Variants in NTN1 observed in about 807,000 individuals in gnomAD.
NTN1 encodes netrin 1.
Under a neutral mutation model 54.2 loss-of-function variants are expected in NTN1, and 11 were observed. That is an observed-to-expected ratio of 0.20 (90% CI 0.13 to 0.34). NTN1 has a LOEUF of 0.34. NTN1 is among the 10% of genes least tolerant of loss of function. The pLI is 1.00. For missense variants in NTN1, 740 were observed against 893.1 expected (o/e 0.83, Z 2.18); for synonymous variants, 371 against 382.0 (o/e 0.97, Z 0.33).
At chr17:9,040,566 A>C (rs1360091477) in intron 2 of NTN1, among the ~76,000 whole-genome samples, 1 of 152,098 alleles carries the variant, frequency 6.6e-6, no homozygotes, top group African/African-American at 2.4e-5. Context: ...CTTCTTTTCC[A>C]ATACTTGTAC....
the NTN1 span, among the ~76,000 whole-genome samples, chr17:9,016,214 C>G: frequency 1.3e-5 from 2 of 152,086 alleles, no homozygotes; most frequent in African/African-American, 4.8e-5. Flanking sequence ...TTGAAGACAC[C>G]AGCACTGGTC....
chr17:9,052,040 T>C (rs2091962327), intron 2 of NTN1, among the ~76,000 whole-genome samples: 1 of 152,118 alleles, frequency 6.6e-6, no homozygotes, highest in South Asian at 2.1e-4. Flanking sequence ...TGATGCGATC[T>C]CAGCTCACTG....
At chr17:9,086,183 G>A (rs2092089480) in intron 2 of NTN1, among the ~76,000 whole-genome samples, 1 of 152,086 alleles carries the variant, frequency 6.6e-6, no homozygotes, top group Admixed American at 6.5e-5. Flanking sequence ...AGGGAGATAA[G>A]TTGTTATGGT....
chr17:9,203,421 A>G (rs1475883113), intron 5 of NTN1, among the ~76,000 whole-genome samples: 1 of 152,208 alleles, frequency 6.6e-6, no homozygotes, highest in Non-Finnish European at 1.5e-5. Flanking sequence ...CATACCTTCC[A>G]AAGAATCTGA....
At chr17:9,231,965 C>T (rs941589182) in intron 6 of NTN1, among the ~76,000 whole-genome samples, 2 of 152,156 alleles carry the variant, frequency 1.3e-5, no homozygotes, top group African/African-American at 4.8e-5. Context: ...GATGGCATGT[C>T]CCGCGGGCCC....
At chr17:9,094,463 T>C (rs527327146) in intron 2 of NTN1, among the ~76,000 whole-genome samples, 1 of 152,284 alleles carries the variant, frequency 6.6e-6, no homozygotes, top group East Asian at 1.9e-4. Context: ...ACGAATATAA[T>C]ATGTACATAT....
rs1285350742 is a variant in NTN1 at position 9,243,702 on chromosome 17, T to TCCCTCTGCCC, written c.*3737_*3746dup. On this transcript the variant is annotated 3_prime_UTR_variant, in exon 7 of 7. Coordinates refer to ENST00000173229, the MANE Select transcript of NTN1 (RefSeq NM_004822.3). ...CTCCTCCCAAATGCACTTCCCCTCC[T>TCCCTCTGCCC]CCCTCTGCCCCCTCCTGTGTTTTGG... 2 of 152,234 alleles carry TCCCTCTGCCC rather than the reference T, an allele frequency of 1.3e-5. No individual in the cohort carries two copies. Among genetic ancestry groups the TCCCTCTGCCC allele is most frequent in the Non-Finnish European group, 2.9e-5 (2 of 68,050 alleles). The allele number at this position is 152,234 out of a possible 1,614,324, so 9.4% of individuals were successfully genotyped here.
chr17:9,240,002 CCA>C lies in NTN1; in HGVS notation c.*35_*36del. The C allele has an allele frequency of 2.3e-6, 3 of 1,288,246 alleles. No homozygotes were observed. Among genetic ancestry groups the C allele is most frequent in the Non-Finnish European group, 2.0e-6 (2 of 1,001,926 alleles). The allele number at this position is 1,288,246 out of a possible 1,614,324, so 79.8% of individuals were successfully genotyped here. On this transcript the variant is annotated 3_prime_UTR_variant, in exon 7 of 7. Coordinates refer to ENST00000173229, the MANE Select transcript of NTN1 (RefSeq NM_004822.3). Reference sequence around the variant, plus strand: ...CAGCGGGCGGGCGGGCGGGCGGGCGCCAGGGCGGGGCCGAGCGAGAGCGGGCG... The same window carrying C: ...CAGCGGGCGGGCGGGCGGGCGGGCGCGGGCGGGGCCGAGCGAGAGCGGGCG...
intron 2 of NTN1, among the ~76,000 whole-genome samples, chr17:9,092,845 G>A (rs755234731): frequency 1.6e-4 from 24 of 151,782 alleles, no homozygotes; most frequent in Non-Finnish European, 2.6e-4. Context: ...TGCAAGCTCC[G>A]CCTCCCAGGT....
intron 2 of NTN1, among the ~76,000 whole-genome samples, chr17:9,025,229 C>G (rs144104080): frequency 1.3e-5 from 2 of 152,172 alleles, no homozygotes; most frequent in African/African-American, 2.4e-5. Flanking sequence ...CAGGTCTTGC[C>G]GTCAGTTTGG....
intron 2 of NTN1, among the ~76,000 whole-genome samples, chr17:9,059,059 G>A (rs528164736): frequency 2.0e-5 from 3 of 152,246 alleles, no homozygotes; most frequent in Non-Finnish European, 2.9e-5. Context: ...TTTCATACAC[G>A]TAAAGTGCAT....
chr17:9,222,027 G>C (rs1449322556), intron 6 of NTN1, among the ~76,000 whole-genome samples: 1 of 152,220 alleles, frequency 6.6e-6, no homozygotes, highest in Admixed American at 6.5e-5. Flanking sequence ...CCACTGGCAA[G>C]GCCCCCGCAT....
intron 2 of NTN1, among the ~76,000 whole-genome samples, chr17:9,162,036 TGAG>T (rs2092358425): frequency 6.6e-6 from 1 of 151,958 alleles, no homozygotes; most frequent in Non-Finnish European, 1.5e-5. Context: ...GAAAGGGAGC[TGAG>T]TCCTGAGCAA....
intron 2 of NTN1, among the ~76,000 whole-genome samples, chr17:9,098,223 A>G (rs1337417116): frequency 6.6e-6 from 1 of 152,140 alleles, no homozygotes; most frequent in African/African-American, 2.4e-5. Flanking sequence ...TGTTCGTGTG[A>G]CCCTGATGCG....
chr17:9,182,784 G>A (rs1243147897), intron 4 of NTN1, 132 bp from the exon 5 acceptor site: 7 of 897,424 alleles, frequency 7.8e-6, no homozygotes, highest in Admixed American at 1.8e-5. Flanking sequence ...TTGAGCCAAG[G>A]AGTGGGAAAC....
chr17:9,202,784 C>T (rs1904837882), intron 5 of NTN1, among the ~76,000 whole-genome samples: 1 of 152,204 alleles, frequency 6.6e-6, no homozygotes, highest in Non-Finnish European at 1.5e-5. Flanking sequence ...AGCCACGGCA[C>T]AAGGAATCGT....
chr17:9,186,325 A>G (rs1477865528), intron 5 of NTN1, among the ~76,000 whole-genome samples: 1 of 152,232 alleles, frequency 6.6e-6, no homozygotes, highest in Non-Finnish European at 1.5e-5. Flanking sequence ...CAGCAGAAAC[A>G]GAGCAAAGAG....
At chr17:9,133,403 C>T (rs546806121) in intron 2 of NTN1, among the ~76,000 whole-genome samples, 2 of 152,328 alleles carry the variant, frequency 1.3e-5, no homozygotes, top group East Asian at 3.9e-4. Flanking sequence ...AGGGCCATCT[C>T]TCCTCCTTGC....
intron 2 of NTN1, among the ~76,000 whole-genome samples, chr17:9,136,501 C>A (rs544133513): frequency 6.6e-6 from 1 of 151,976 alleles, no homozygotes; most frequent in African/African-American, 2.4e-5. Context: ...TGCTTGAACC[C>A]GGGAGGCAGA....
Sources: gnomAD v4.1 joint callset for allele counts (sites outside exome capture counted in the v4.1 genomes callset) on GRCh38, gnomAD v4.1.1 for gene constraint, MANE v1.5 for transcripts, NCBI Gene and HGNC (gene_info 2026-07-23, HGNC 2026-07-21) for gene names.